ADAMTSL1: variants seen among roughly 807,000 people sequenced by gnomAD.
The protein encoded by ADAMTSL1 is ADAMTS like 1.
ADAMTSL1 carries 126 observed loss-of-function variants against 201.8 expected under a neutral mutation model. That is an observed-to-expected ratio of 0.62 (90% CI 0.54 to 0.72). The LOEUF is 0.72. ADAMTSL1 is among the 30% of genes least tolerant of loss of function. ADAMTSL1 has a pLI of 0.00. For synonymous variants in ADAMTSL1, 1,121 were observed against 903.4 expected, an observed-to-expected ratio of 1.24 and a Z score of -4.32; for missense variants, 2,679 against 2,277.8, an observed-to-expected ratio of 1.18 and a Z score of -3.59.
intron 26 of ADAMTSL1, among the ~76,000 whole-genome samples, chr9:18,905,230 A>C (rs1419885566): frequency 2.0e-5 from 3 of 152,142 alleles, no homozygotes; most frequent in African/African-American, 7.2e-5. Context: ...AACTCTGGGG[A>C]AAGTTTAACA....
intron 2 of ADAMTSL1, among the ~76,000 whole-genome samples, chr9:18,441,934 A>G (rs909190023): frequency 6.6e-6 from 1 of 152,216 alleles, no homozygotes; most frequent in African/African-American, 2.4e-5. Flanking sequence ...TTGTAATAAT[A>G]ATAATTTTTA....
At chr9:18,048,696 A>G (rs185091042) in intron 1 of ADAMTSL1, among the ~76,000 whole-genome samples, 64 of 152,316 alleles carry the variant, frequency 4.2e-4, no homozygotes, top group Middle Eastern at 3.4e-3. Context: ...GACAGCCAGA[A>G]AGGTGTCTAT....
chr9:18,730,996 G>A (rs757325820), intron 15 of ADAMTSL1, among the ~76,000 whole-genome samples: 11 of 152,216 alleles, frequency 7.2e-5, no homozygotes, highest in African/African-American at 1.9e-4. Flanking sequence ...ATACCAAGCC[G>A]TGACTTATTT....
At chr9:18,763,334 C>T (rs947446364) in intron 16 of ADAMTSL1, among the ~76,000 whole-genome samples, 6 of 152,112 alleles carry the variant, frequency 3.9e-5, no homozygotes, top group Non-Finnish European at 5.9e-5. Flanking sequence ...GATCTTTTGC[C>T]CATCTTTTGA....
intron 1 of ADAMTSL1, among the ~76,000 whole-genome samples, chr9:17,940,462 A>C (rs1009313351): frequency 6.6e-6 from 1 of 152,076 alleles, no homozygotes; most frequent in South Asian, 2.1e-4. Flanking sequence ...AGTTGTTTGT[A>C]TGAATGGCAG....
At chr9:18,067,742 G>A (rs542214569) in intron 1 of ADAMTSL1, among the ~76,000 whole-genome samples, 1 of 152,276 alleles carries the variant, frequency 6.6e-6, no homozygotes, top group African/African-American at 2.4e-5. Context: ...TCTGGAGGCG[G>A]TGATTAAAAG....
At chr9:18,202,988 C>T (rs1829510426) in intron 2 of ADAMTSL1, among the ~76,000 whole-genome samples, 1 of 152,050 alleles carries the variant, frequency 6.6e-6, no homozygotes, top group Non-Finnish European at 1.5e-5. Flanking sequence ...AAACTCAATT[C>T]TCATGGGCCA....
chr9:18,037,742 C>T (rs1821260716), intron 1 of ADAMTSL1, among the ~76,000 whole-genome samples: 1 of 152,136 alleles, frequency 6.6e-6, no homozygotes, highest in Non-Finnish European at 1.5e-5. Flanking sequence ...AACAAGAACT[C>T]ACCTTTATAA....
intron 1 of ADAMTSL1, among the ~76,000 whole-genome samples, chr9:18,143,515 G>A (rs1240840243): frequency 6.6e-6 from 1 of 151,444 alleles, no homozygotes; most frequent in East Asian, 1.9e-4. Context: ...TTTTTTTAAA[G>A]CCGGGTTTTT....
At chr9:17,983,245 A>G (rs2131471546) in intron 1 of ADAMTSL1, among the ~76,000 whole-genome samples, 1 of 151,102 alleles carries the variant, frequency 6.6e-6, no homozygotes, top group Admixed American at 6.6e-5. Context: ...TAATTTTTGT[A>G]TTTTTAGTAG....
In ADAMTSL1 at chr9:18,874,536, A is replaced by G. The variant is rs547153530; in HGVS notation, c.4250-13295A>G. ...TTTGTCAGGTGCTTTTTCTGCATCA[A>G]TTGAAATCATGGGATTTTTTTATTT... On this transcript the variant is annotated intron_variant, in intron 23 of 28. Coordinates refer to ENST00000380548, the MANE Select transcript of ADAMTSL1 (RefSeq NM_001040272.6). Among the ~76,000 whole-genome samples, 113 of 152,198 alleles carry G rather than the reference A, an allele frequency of 7.4e-4. 1 individual carries two copies. The highest frequency in any genetic ancestry group is 2.4e-3 in the African/African-American group (99 of 41,556).
intron 1 of ADAMTSL1, among the ~76,000 whole-genome samples, chr9:18,034,587 A>T (rs888594267): frequency 2.6e-5 from 4 of 152,126 alleles, no homozygotes; most frequent in African/African-American, 9.7e-5. Context: ...CCATTCATTT[A>T]GTGAACTTAG....
At chr9:18,470,662 C>G (rs184241510), upstream of ADAMTSL1, among the ~76,000 whole-genome samples, 6 of 152,282 alleles carry the variant, frequency 3.9e-5, no homozygotes, top group Admixed American at 3.9e-4. Flanking sequence ...GGCTCCAGAG[C>G]AAGACTTGTA....
At chr9:18,718,852 A>G (rs936231054) in intron 14 of ADAMTSL1, among the ~76,000 whole-genome samples, 15 of 152,244 alleles carry the variant, frequency 9.9e-5, no homozygotes, top group Admixed American at 7.9e-4. Context: ...ACCCAATTTC[A>G]TAAGGTTTTC....
At chr9:18,236,789 G>A (rs925532910) in intron 2 of ADAMTSL1, among the ~76,000 whole-genome samples, 13 of 152,132 alleles carry the variant, frequency 8.5e-5, no homozygotes, top group African/African-American at 3.1e-4. Context: ...AAATGCAAAT[G>A]CAGTGCAATG....
chr9:18,675,782 A>G (rs906040657), intron 9 of ADAMTSL1, 75 bp from the exon 10 acceptor site: 7 of 1,318,666 alleles, frequency 5.3e-6, no homozygotes, highest in Middle Eastern at 1.8e-4. Flanking sequence ...AAAAATTTGT[A>G]TAATGTAATC....
chr9:17,921,367 G>A (rs1327834027), intron 1 of ADAMTSL1, among the ~76,000 whole-genome samples: 1 of 152,108 alleles, frequency 6.6e-6, no homozygotes, highest in Non-Finnish European at 1.5e-5. Flanking sequence ...ATTCTGCTAA[G>A]TCAGTTACAA....
chr9:18,880,737 C>CATTATCCCCT (rs1828472952), intron 23 of ADAMTSL1, among the ~76,000 whole-genome samples: 1 of 152,172 alleles, frequency 6.6e-6, no homozygotes, highest in African/African-American at 2.4e-5. Flanking sequence ...TCACCAGGTG[C>CATTATCCCCT]ATTATCCCCT....
At chr9:18,432,181 A>G (rs1457998687) in intron 2 of ADAMTSL1, among the ~76,000 whole-genome samples, 7 of 152,206 alleles carry the variant, frequency 4.6e-5, no homozygotes, top group Admixed American at 4.6e-4. Context: ...TAGATTACAT[A>G]AAATAATCTC....
Sources: gnomAD v4.1 joint callset for allele counts (sites outside exome capture counted in the v4.1 genomes callset) on GRCh38, gnomAD v4.1.1 for gene constraint, MANE v1.5 for transcripts, NCBI Gene and HGNC (gene_info 2026-07-23, HGNC 2026-07-21) for gene names.